CCDC126: variants seen among roughly 807,000 people sequenced by gnomAD.
CCDC126 encodes the protein coiled-coil domain-containing protein 126.
In CCDC126, 5 loss-of-function variants were observed where a neutral mutation model predicts 11.7. The ratio of observed to expected loss-of-function variants is 0.43; its 90% confidence interval spans 0.22 to 0.90. CCDC126 has a LOEUF of 0.90. CCDC126 is among the 40% of genes least tolerant of loss of function. The pLI is 0.27. For synonymous variants in CCDC126, 60 were observed against 61.9 expected (o/e 0.97, Z 0.14); for missense variants, 150 against 163.1 (o/e 0.92, Z 0.44).
chr7:23,613,280 T>G (rs1782746347), intron 3 of CCDC126, among the ~76,000 whole-genome samples: 1 of 152,100 alleles, frequency 6.6e-6, no homozygotes, highest in Admixed American at 6.6e-5. Flanking sequence ...GCCACTGCAC[T>G]TAAGCCTGGG....
chr7:23,621,731 C>G (rs1472954340), intron 3 of CCDC126, among the ~76,000 whole-genome samples: 2 of 152,130 alleles, frequency 1.3e-5, no homozygotes, highest in Non-Finnish European at 2.9e-5. Context: ...ATAAATAGCT[C>G]TCATTATTTT....
chr7:23,615,043 T>C (rs1215071477), intron 3 of CCDC126, among the ~76,000 whole-genome samples: 1 of 152,186 alleles, frequency 6.6e-6, no homozygotes, highest in Non-Finnish European at 1.5e-5. Flanking sequence ...AGCTTTGAAG[T>C]CAGGCATTGA....
intron 3 of CCDC126, among the ~76,000 whole-genome samples, chr7:23,633,945 AT>A (rs1361914794): frequency 5.3e-5 from 8 of 152,340 alleles, no homozygotes; most frequent in African/African-American, 1.7e-4. Context: ...TAAAGTATTG[AT>A]TTGAATTTGA....
chr7:23,620,448 G>C (rs1442774879), intron 3 of CCDC126, among the ~76,000 whole-genome samples: 14 of 150,660 alleles, frequency 9.3e-5, no homozygotes, highest in Admixed American at 9.3e-4. Flanking sequence ...TTGTAAATTT[G>C]TTTGAGTTCT....
intron 3 of CCDC126, among the ~76,000 whole-genome samples, chr7:23,639,855 A>C (rs2128022993): frequency 6.6e-6 from 1 of 152,266 alleles, no homozygotes; most frequent in South Asian, 2.1e-4. Context: ...ACAATTGTAA[A>C]ATATCGATAA....
chr7:23,617,193 C>T (rs1023810258), intron 3 of CCDC126, among the ~76,000 whole-genome samples: 13 of 151,286 alleles, frequency 8.6e-5, no homozygotes, highest in Admixed American at 7.9e-4. Flanking sequence ...ACTAAAAATA[C>T]GAAAATTATC....
chr7:23,615,555 C>G (rs1562492581), intron 3 of CCDC126, among the ~76,000 whole-genome samples: 1 of 152,248 alleles, frequency 6.6e-6, no homozygotes, highest in Non-Finnish European at 1.5e-5. Context: ...AGCTTTCAGC[C>G]TATCTCAGCT....
chr7:23,638,579 G>A (rs1307360100), intron 3 of CCDC126, among the ~76,000 whole-genome samples: 6 of 124,156 alleles, frequency 4.8e-5, no homozygotes, highest in African/African-American at 1.9e-4. Flanking sequence ...CAAACACTGC[G>A]GAAGGCCGCA....
chr7:23,598,578 G>A (rs894804410), intron 2 of CCDC126: 1 of 152,164 alleles, frequency 6.6e-6, no homozygotes, highest in Non-Finnish European at 1.5e-5. Context: ...CCTTAGAGGC[G>A]CTAAGTGTTT....
In CCDC126 at chr7:23,643,746, G is replaced by A. The variant is rs992590315; in HGVS notation, c.*631G>A. ...ATTACACTTATAAGAGTATAATCTT[G>A]AAATGGGTAGCAGCCACTGTCCATT... is the stretch of plus-strand genomic sequence containing the variant. On this transcript the variant is annotated 3_prime_UTR_variant, in exon 4 of 4. Coordinates refer to ENST00000307471, the MANE Select transcript of CCDC126 (RefSeq NM_138771.4). 6.6e-6 allele frequency: 1 copy of A among 152,364 alleles called. No individual in the cohort carries two copies. The highest frequency in any genetic ancestry group is 1.5e-5 in the Non-Finnish European group (1 of 67,966). 9.4% of individuals were successfully genotyped at this position (152,364 alleles called of 1,614,324 possible). A position where few individuals can be genotyped will look rare whatever the true frequency, so the allele number is the denominator to read the frequency against.
At chr7:23,607,929 A>G (rs1782647542) in intron 2 of CCDC126, among the ~76,000 whole-genome samples, 1 of 152,228 alleles carries the variant, frequency 6.6e-6, no homozygotes, top group Non-Finnish European at 1.5e-5. Context: ...CAGGCTGGGA[A>G]GCATAGCCTC....
In CCDC126 at chr7:23,627,569, GA is replaced by G. The variant is rs561420673; in HGVS notation, c.239-15349del. Among the ~76,000 whole-genome samples, 588 of 132,220 alleles carry G rather than the reference GA, an allele frequency of 4.4e-3. 4 individuals are homozygous for G. The highest frequency in any genetic ancestry group is 9.9e-3 in the African/African-American group (360 of 36,312). 86.7% of individuals were successfully genotyped at this position (132,220 alleles called of 152,430 possible). On this transcript the variant is annotated intron_variant, in intron 3 of 3. Coordinates refer to ENST00000307471, the MANE Select transcript of CCDC126 (RefSeq NM_138771.4). ...GTGACGAGAGTGAGACTCTGTCTCAGAAAAAAAAAAAAAGAAAGACTGTATA... is the reference window on the plus strand; with the variant it reads ...GTGACGAGAGTGAGACTCTGTCTCAGAAAAAAAAAAAAGAAAGACTGTATA...
intron 3 of CCDC126, among the ~76,000 whole-genome samples, chr7:23,622,313 G>A (rs906963045): frequency 4.6e-5 from 7 of 152,186 alleles, no homozygotes; most frequent in Non-Finnish European, 1.0e-4. Flanking sequence ...TCTTGGGAGG[G>A]TGTATGTGTC....
chr7:23,626,575 G>A (rs974733950), intron 3 of CCDC126, among the ~76,000 whole-genome samples: 2 of 151,960 alleles, frequency 1.3e-5, no homozygotes, highest in Non-Finnish European at 2.9e-5. Context: ...GTGTCTTGGG[G>A]GGTTCATTGT....
At chr7:23,634,767 C>T (rs963142253) in intron 3 of CCDC126, among the ~76,000 whole-genome samples, 8 of 152,094 alleles carry the variant, frequency 5.3e-5, no homozygotes, top group Admixed American at 2.6e-4. Context: ...GGGTCTCTGG[C>T]GGTACCCATG....
chr7:23,627,606 G>A (rs559559591), intron 3 of CCDC126, among the ~76,000 whole-genome samples: 2 of 152,036 alleles, frequency 1.3e-5, no homozygotes, highest in East Asian at 3.9e-4. Flanking sequence ...AATATTTTAG[G>A]AGAATAATTT....
At chr7:23,639,192 C>CTT (rs1245503837) in intron 3 of CCDC126, among the ~76,000 whole-genome samples, 51 of 137,142 alleles carry the variant, frequency 3.7e-4, no homozygotes, top group African/African-American at 8.6e-4. Context: ...TTTTTTATGT[C>CTT]TTTTTTTTTT....
chr7:23,599,731 T>G (rs1186611936), intron 2 of CCDC126, among the ~76,000 whole-genome samples: 1 of 151,828 alleles, frequency 6.6e-6, no homozygotes, highest in African/African-American at 2.4e-5. Flanking sequence ...AATGGTGGGA[T>G]TATAGGTGTG....
At chr7:23,632,198 AT>A (rs762736533) in intron 3 of CCDC126, among the ~76,000 whole-genome samples, 13 of 149,640 alleles carry the variant, frequency 8.7e-5, no homozygotes, top group Non-Finnish European at 1.5e-4. Flanking sequence ...GGTTCAAGTG[AT>A]TCTCCCACCT....
Sources: allele counts gnomAD v4.1 joint callset (sites outside exome capture counted in the v4.1 genomes callset), GRCh38; gene constraint gnomAD v4.1.1; transcripts MANE v1.5; gene names NCBI Gene and HGNC (gene_info 2026-07-23, HGNC 2026-07-21).